Variants in CNTNAP5 observed in about 807,000 individuals in gnomAD.
The protein encoded by CNTNAP5 is contactin-associated protein-like 5.
A neutral mutation model predicts 150.2 loss-of-function variants in CNTNAP5; 72 were observed. That is an observed-to-expected ratio of 0.48 (90% CI 0.40 to 0.58). The LOEUF (loss-of-function observed/expected upper bound fraction) is 0.58, where lower values mean the gene tolerates loss of function less well. Ranked by LOEUF, CNTNAP5 falls within the 20% of genes least tolerant of loss-of-function variation. The pLI is 0.00. For missense variants in CNTNAP5, 1,636 were observed against 1,626.2 expected (o/e 1.01, Z -0.10); for synonymous variants, 672 against 619.8 (o/e 1.08, Z -1.25).
intron 4 of CNTNAP5, among the ~76,000 whole-genome samples, chr2:124,418,382 G>A (rs2104777742): frequency 6.6e-6 from 1 of 152,242 alleles, no homozygotes; most frequent in African/African-American, 2.4e-5. Flanking sequence ...AATTCTTAAT[G>A]AGTACATGTC....
intron 4 of CNTNAP5, among the ~76,000 whole-genome samples, chr2:124,429,488 A>G (rs1692318756): frequency 6.6e-6 from 1 of 152,212 alleles, no homozygotes; most frequent in Non-Finnish European, 1.5e-5. Context: ...TCAGTTGGGG[A>G]AACCTTTAAT....
At chr2:124,156,790 A>G (rs1260316685) in intron 1 of CNTNAP5, among the ~76,000 whole-genome samples, 1 of 152,126 alleles carries the variant, frequency 6.6e-6, no homozygotes, top group African/African-American at 2.4e-5. Flanking sequence ...TGCCCAGCCC[A>G]TTTTGCCTAA....
intron 17 of CNTNAP5, among the ~76,000 whole-genome samples, chr2:124,779,542 C>G (rs1273857142): frequency 6.6e-6 from 1 of 152,206 alleles, no homozygotes; most frequent in African/African-American, 2.4e-5. Flanking sequence ...CACACACACA[C>G]ATGCTTCTTT....
intron 21 of CNTNAP5, among the ~76,000 whole-genome samples, chr2:124,884,941 C>A (rs1678047882): frequency 6.6e-6 from 1 of 152,028 alleles, no homozygotes; most frequent in Non-Finnish European, 1.5e-5. Flanking sequence ...TGCTGTGAAG[C>A]TGGCTGGGAA....
chr2:124,888,925 CAG>C (rs1028095976), intron 21 of CNTNAP5, among the ~76,000 whole-genome samples: 1 of 151,918 alleles, frequency 6.6e-6, no homozygotes, highest in African/African-American at 2.4e-5. Flanking sequence ...TTTTGCTGTG[CAG>C]AAGCTCTTTA....
intron 8 of CNTNAP5, among the ~76,000 whole-genome samples, chr2:124,504,982 A>C (rs185099731): frequency 1.3e-5 from 2 of 152,282 alleles, no homozygotes; most frequent in African/African-American, 4.8e-5. Flanking sequence ...CTGGGATTAC[A>C]GGCCTGAGCC....
intron 10 of CNTNAP5, among the ~76,000 whole-genome samples, chr2:124,541,178 G>GTTTTTTTTTTTTTTTTTTTTTTTT (rs1477319002): frequency 2.2e-4 from 6 of 27,572 alleles, no homozygotes; most frequent in Non-Finnish European, 3.9e-4. Flanking sequence ...ACAAAATTCC[G>GTTTTTTTTTTTTTTTTTTTTTTTT]ATTTTTTTTT....
intron 6 of CNTNAP5, among the ~76,000 whole-genome samples, chr2:124,453,797 A>G (rs1428519855): frequency 1.3e-5 from 2 of 152,310 alleles, no homozygotes; most frequent in East Asian, 3.9e-4. Flanking sequence ...TCATAAATGA[A>G]GGAAAGATAC....
chr2:124,256,482 C>T (rs1367144024), intron 3 of CNTNAP5, among the ~76,000 whole-genome samples: 1 of 151,964 alleles, frequency 6.6e-6, no homozygotes, highest in Admixed American at 6.6e-5. Context: ...TATAAGTTCA[C>T]CATCTTTAGG....
At chr2:124,074,509 A>G (rs1184514719) in intron 1 of CNTNAP5, among the ~76,000 whole-genome samples, 1 of 152,122 alleles carries the variant, frequency 6.6e-6, no homozygotes, top group African/African-American at 2.4e-5. Flanking sequence ...CATTATTTTA[A>G]AGGGAGCAAG....
chr2:124,509,016 C>T (rs1694489650), intron 8 of CNTNAP5, among the ~76,000 whole-genome samples: 1 of 152,068 alleles, frequency 6.6e-6, no homozygotes, highest in Admixed American at 6.6e-5. Context: ...ATACTTGATG[C>T]TTGGTATGTC....
At chr2:124,844,070 A>G (rs1292045315) in intron 19 of CNTNAP5, among the ~76,000 whole-genome samples, 1 of 152,088 alleles carries the variant, frequency 6.6e-6, no homozygotes, top group Non-Finnish European at 1.5e-5. Flanking sequence ...GTTCTTGGTC[A>G]TGAAGTCTTT....
intron 10 of CNTNAP5, among the ~76,000 whole-genome samples, chr2:124,541,917 G>A (rs1347649962): frequency 1.3e-5 from 2 of 152,102 alleles, no homozygotes; most frequent in South Asian, 2.1e-4. Context: ...CATTCTCCAT[G>A]TCATAGTGGA....
At chr2:124,544,050 G>A (rs924373275) in intron 10 of CNTNAP5, among the ~76,000 whole-genome samples, 2 of 151,904 alleles carry the variant, frequency 1.3e-5, no homozygotes, top group Non-Finnish European at 2.9e-5. Context: ...GGACACTGAG[G>A]TTCACAGGTA....
chr2:124,147,936 C>A (rs181367885), intron 1 of CNTNAP5, among the ~76,000 whole-genome samples: 9 of 152,162 alleles, frequency 5.9e-5, no homozygotes, highest in Non-Finnish European at 1.3e-4. Flanking sequence ...ATAAAGCCGG[C>A]CGTTAGCCTT....
intron 3 of CNTNAP5, among the ~76,000 whole-genome samples, chr2:124,266,078 A>C (rs1687599686): frequency 6.6e-6 from 1 of 152,164 alleles, no homozygotes; most frequent in Non-Finnish European, 1.5e-5. Flanking sequence ...GCCAAAGCTT[A>C]GTCTCCTCAT....
chr2:124,671,296 A>G (rs939481941), intron 13 of CNTNAP5, among the ~76,000 whole-genome samples: 6 of 152,196 alleles, frequency 3.9e-5, no homozygotes, highest in African/African-American at 1.4e-4. Flanking sequence ...TTTATTAGAG[A>G]ATGTAATCTA....
rs745689144 is a variant in CNTNAP5 at position 124,704,272 on chromosome 2, C to T, written c.2078-42957C>T. ...AAGCACAGGTGCTCCCCAGGGGGCC[C>T]GCAGAGGGGCTTTGCCATCTGGACA... On this transcript the variant is annotated intron_variant, in intron 13 of 23. Coordinates refer to ENST00000682447, the MANE Select transcript of CNTNAP5 (RefSeq NM_001367498.1). 2.2e-4 allele frequency among the ~76,000 whole-genome samples: 34 copies of T among 152,070 alleles called. 1 individual carries two copies. Among genetic ancestry groups the T allele is most frequent in the Admixed American group, 9.2e-4 (14 of 15,274 alleles).
At chr2:124,070,338 A>G (rs952595851) in intron 1 of CNTNAP5, among the ~76,000 whole-genome samples, 7 of 151,196 alleles carry the variant, frequency 4.6e-5, no homozygotes, top group Non-Finnish European at 8.9e-5. Flanking sequence ...ATCAATAATA[A>G]CATTGAATGT....
Sources: gnomAD v4.1 joint callset for allele counts (sites outside exome capture counted in the v4.1 genomes callset) on GRCh38, gnomAD v4.1.1 for gene constraint, MANE v1.5 for transcripts, NCBI Gene and HGNC (gene_info 2026-07-23, HGNC 2026-07-21) for gene names.